Variants in DNAAF1 observed in about 807,000 individuals in gnomAD.
DNAAF1 encodes dynein axonemal assembly factor 1, also known as dynein assembly factor 1, axonemal.
A neutral mutation model predicts 71.1 loss-of-function variants in DNAAF1; 65 were observed. The observed-to-expected ratio is 0.91, with a 90% CI of 0.75 to 1.12. The LOEUF (loss-of-function observed/expected upper bound fraction) is 1.12, where lower values mean the gene tolerates loss of function less well. Among genes scored for constraint, DNAAF1 ranks in the 50% most tolerant of loss-of-function variants. The pLI is 0.00. For synonymous variants in DNAAF1, 414 were observed against 354.6 expected (o/e 1.17, Z -1.88); for missense variants, 1,178 against 899.8 (o/e 1.31, Z -3.96).
At position 84,176,315 on chromosome 16, in the gene DNAAF1, C is replaced by G. The variant is rs753415854; in HGVS notation, c.2065+16C>G. 6.2e-7 allele frequency: 1 copy of G among 1,612,934 alleles called. No individual in the cohort carries two copies. Among genetic ancestry groups the G allele is most frequent in the Non-Finnish European group, 8.5e-7 (1 of 1,179,992 alleles). ...TCTTCTCCGGGTAAGAGCGTGGGGC[C>G]GAGAGCACAGTGGAGACAATGTTGG... is the stretch of plus-strand genomic sequence containing the variant. On this transcript the variant is annotated intron_variant, in intron 11 of 11. Coordinates refer to ENST00000378553, the MANE Select transcript of DNAAF1 (RefSeq NM_178452.6).
intron 5 of DNAAF1, among the ~76,000 whole-genome samples, chr16:84,157,739 C>T (rs550074467): frequency 3.2e-4 from 49 of 152,210 alleles, no homozygotes; most frequent in African/African-American, 1.2e-3. Context: ...AGTGAGTCAA[C>T]TGAAAGCAAA....
intron 1 of DNAAF1, among the ~76,000 whole-genome samples, chr16:84,146,512 T>A (rs1298581855): frequency 6.6e-6 from 1 of 151,532 alleles, no homozygotes; most frequent in African/African-American, 2.4e-5. Context: ...AAGTCAGGAG[T>A]TCGAGACCAG....
chr16:84,168,827 TACACACACAC>T (rs55903132), intron 7 of DNAAF1, among the ~76,000 whole-genome samples: 2 of 145,886 alleles, frequency 1.4e-5, no homozygotes, highest in African/African-American at 2.5e-5. Flanking sequence ...ATTTGCCACA[TACACACACAC>T]ACACACACAC....
chr16:84,177,402 A>G (rs1241330495), intron 11 of DNAAF1: 1 of 364,832 alleles, frequency 2.7e-6, no homozygotes, highest in Non-Finnish European at 5.4e-6. Context: ...CCGCCTCTGA[A>G]GTAGCTGGGA....
intron 9 of DNAAF1, chr16:84,174,452 C>G (rs567337940): frequency 1.4e-6 from 2 of 1,426,476 alleles, no homozygotes; most frequent in African/African-American, 2.9e-5. Flanking sequence ...TTGCAAGTTC[C>G]CTTTCATTTA....
chr16:84,172,691 C>G, intron 9 of DNAAF1: 9 of 1,220,836 alleles, frequency 7.4e-6, no homozygotes, highest in South Asian at 3.3e-5. Flanking sequence ...AAGAAGCTAT[C>G]TTGCTAAGTG....
In DNAAF1 at chr16:84,155,693, CACA is replaced by C. The variant is rs750823705; in HGVS notation, c.690_692del (p.Asn230del). The C allele has an allele frequency of 6.2e-7, 1 of 1,614,114 alleles. No homozygotes were observed. The highest frequency in any genetic ancestry group is 1.7e-5 in the Admixed American group (1 of 60,010). ...GAGGCTTTGTGTCCTTGACCTTTCGCACAACAAGCTGAGTGACCCGGAGATCCT... is the reference window on the plus strand; with the variant it reads ...GAGGCTTTGTGTCCTTGACCTTTCGCACAAGCTGAGTGACCCGGAGATCCT... On this transcript the variant is annotated inframe_deletion, in exon 5 of 12. Coordinates refer to ENST00000378553, the MANE Select transcript of DNAAF1 (RefSeq NM_178452.6).
At position 84,176,315 on chromosome 16, in the gene DNAAF1, C is replaced by A; in HGVS notation, c.2065+16C>A. ...TCTTCTCCGGGTAAGAGCGTGGGGC[C>A]GAGAGCACAGTGGAGACAATGTTGG... On this transcript the variant is annotated intron_variant, in intron 11 of 11. Transcript: ENST00000378553. 6.2e-7 allele frequency: 1 copy of A among 1,612,934 alleles called. No homozygotes were observed. The highest frequency in any genetic ancestry group is 8.5e-7 in the Non-Finnish European group (1 of 1,179,992).
chr16:84,176,449 C>A (rs1337456301), intron 11 of DNAAF1, 150 bp downstream of exon 11: 1 of 1,255,410 alleles, frequency 8.0e-7, no homozygotes, highest in Non-Finnish European at 1.1e-6. Context: ...TCTGAAGGTC[C>A]CATTCCTGAG....
At chr16:84,157,585 G>A (rs1353060897) in intron 5 of DNAAF1, among the ~76,000 whole-genome samples, 2 of 151,588 alleles carry the variant, frequency 1.3e-5, no homozygotes, top group Non-Finnish European at 2.9e-5. Flanking sequence ...GTCCTTTTGA[G>A]TCCTCGCTAG....
At chr16:84,169,397 C>G (rs1164434696) in intron 7 of DNAAF1, among the ~76,000 whole-genome samples, 2 of 151,424 alleles carry the variant, frequency 1.3e-5, no homozygotes, top group South Asian at 2.1e-4. Flanking sequence ...CTCGAGGACA[C>G]TTTTTAAACT....
intron 8 of DNAAF1, among the ~76,000 whole-genome samples, chr16:84,170,914 G>T (rs536584394): frequency 6.6e-6 from 1 of 152,020 alleles, no homozygotes; most frequent in South Asian, 2.1e-4. Flanking sequence ...TTAATTTAAC[G>T]CAATATATAA....
intron 11 of DNAAF1, chr16:84,177,425 G>A (rs1597509324): frequency 1.1e-5 from 4 of 372,760 alleles, no homozygotes; most frequent in African/African-American, 2.1e-5. Flanking sequence ...ACAGGCACCC[G>A]TCAAGGGATT....
intron 8 of DNAAF1, among the ~76,000 whole-genome samples, chr16:84,171,558 A>T (rs1359932693): frequency 6.6e-6 from 1 of 152,200 alleles, no homozygotes; most frequent in African/African-American, 2.4e-5. Context: ...ATGAAACTGC[A>T]CAAGCTCTGA....
chr16:84,155,814 A>T (rs1400716242), intron 5 of DNAAF1, 65 bp downstream of exon 5: 32 of 1,579,596 alleles, frequency 2.0e-5, no homozygotes, highest in Middle Eastern at 1.7e-4. Context: ...ATTTTCATCA[A>T]ATATCAAGTC....
chr16:84,170,364 G>C lies in DNAAF1; in HGVS notation c.1528+8G>C. ...TGGGAGCTGCCAGGGAAGGTAATGTGAGCGGAGAAACACACACAGACACAC... is the reference window on the plus strand; with the variant it reads ...TGGGAGCTGCCAGGGAAGGTAATGTCAGCGGAGAAACACACACAGACACAC... On this transcript the variant is annotated splice_region_variant and intron_variant, in intron 8 of 11. Coordinates refer to ENST00000378553, the MANE Select transcript of DNAAF1 (RefSeq NM_178452.6). The C allele has an allele frequency of 1.2e-6, 2 of 1,613,616 alleles. No homozygotes were observed. Among genetic ancestry groups the C allele is most frequent in the Non-Finnish European group, 8.5e-7 (1 of 1,180,018 alleles).
chr16:84,172,509 C>T (rs1047574136), intron 9 of DNAAF1, 134 bp downstream of exon 9: 150 of 1,499,642 alleles, frequency 1.0e-4, no homozygotes, highest in African/African-American at 1.9e-4. Flanking sequence ...ATTTCTGGGG[C>T]GCTGGTTAGA....
At chr16:84,165,027 T>G (rs1453804384) in intron 6 of DNAAF1, among the ~76,000 whole-genome samples, 2 of 152,256 alleles carry the variant, frequency 1.3e-5, no homozygotes, top group Non-Finnish European at 2.9e-5. Flanking sequence ...GGAGCATCTT[T>G]TCACAGGCTT....
Position 84,145,342 on chromosome 16 carries a change from G to A in DNAAF1, c.-99G>A, listed in dbSNP as rs2086848301. ...AGGGCGCCAGCGGCTGGCGAAGAAG[G>A]AAAGAGGGTACTCTCTGGCTGGGCT... is the stretch of plus-strand genomic sequence containing the variant. On this transcript the variant is annotated 5_prime_UTR_variant, in exon 1 of 12. Transcript: ENST00000378553. 1.3e-6 allele frequency: 2 copies of A among 1,529,820 alleles called. No individual in the cohort carries two copies. The highest frequency in any genetic ancestry group is 1.2e-5 in the South Asian group (1 of 83,644). 94.8% of individuals were successfully genotyped at this position (1,529,820 alleles called of 1,614,324 possible). A position where few individuals can be genotyped will look rare whatever the true frequency, so the allele number is the denominator to read the frequency against.
Sources: allele counts gnomAD v4.1 joint callset (sites outside exome capture counted in the v4.1 genomes callset), GRCh38; gene constraint gnomAD v4.1.1; transcripts MANE v1.5; gene names NCBI Gene and HGNC (gene_info 2026-07-23, HGNC 2026-07-21).